Variants in CNKSR3 observed in about 807,000 individuals in gnomAD.
CNKSR3 encodes connector enhancer of kinase suppressor of ras 3.
In CNKSR3, 36 loss-of-function variants were observed where a neutral mutation model predicts 67.7. The observed-to-expected ratio is 0.53, with a 90% CI of 0.41 to 0.70. The LOEUF is 0.70. CNKSR3 is among the 30% of genes least tolerant of loss of function. The probability of loss-of-function intolerance (pLI) is 0.00; values close to 1 mark genes in which losing one functional copy is unlikely to be tolerated. For synonymous variants in CNKSR3, 281 were observed against 271.4 expected (o/e 1.04, Z -0.35); for missense variants, 630 against 695.2 (o/e 0.91, Z 1.05).
chr6:154,455,663 C>T (rs1444543346), intron 1 of CNKSR3, among the ~76,000 whole-genome samples: 2 of 152,112 alleles, frequency 1.3e-5, no homozygotes, highest in African/African-American at 2.4e-5. Flanking sequence ...CTCAAGCAAT[C>T]CACCTGCCTC....
At chr6:154,440,503 A>G (rs1350551187) in intron 4 of CNKSR3, among the ~76,000 whole-genome samples, 1 of 152,232 alleles carries the variant, frequency 6.6e-6, no homozygotes, top group Non-Finnish European at 1.5e-5. Context: ...TGGTCCAAGA[A>G]GAAATTTTTT....
At chr6:154,467,630 A>G (rs918344126) in intron 1 of CNKSR3, among the ~76,000 whole-genome samples, 2 of 152,252 alleles carry the variant, frequency 1.3e-5, no homozygotes, top group African/African-American at 4.8e-5. Flanking sequence ...CATTAGAATG[A>G]CAGTCTTCTA....
At position 154,411,133 on chromosome 6, in the gene CNKSR3, AT is replaced by A; in HGVS notation, c.1079del (p.Asn360MetfsTer60). On this transcript the variant is annotated frameshift_variant, in exon 11 of 13. Coordinates refer to ENST00000607772, the MANE Select transcript of CNKSR3 (RefSeq NM_173515.4). LOFTEE classifies it high-confidence loss of function. ...PAVPYSPRDE[N>X]GSFVYGGSSK... is the part of the protein sequence containing the mutation. ...TGGACCCTCCATAAACAAAACTGCCATTCTCATCCCTGGAAGATAATATGGA... is the reference window on the plus strand; with the variant it reads ...TGGACCCTCCATAAACAAAACTGCCATCTCATCCCTGGAAGATAATATGGA... 6.2e-7 allele frequency: 1 copy of A among 1,608,952 alleles called. No individual in the cohort carries two copies. The highest frequency in any genetic ancestry group is 8.5e-7 in the Non-Finnish European group (1 of 1,175,906).
At chr6:154,445,638 C>G (rs553832654) in intron 2 of CNKSR3, among the ~76,000 whole-genome samples, 1 of 152,152 alleles carries the variant, frequency 6.6e-6, no homozygotes, top group Non-Finnish European at 1.5e-5. Context: ...GGATTAAGAG[C>G]ATTTTATTGT....
chr6:154,490,389 ATATG>A (rs1311334598), intron 1 of CNKSR3, among the ~76,000 whole-genome samples: 3 of 152,226 alleles, frequency 2.0e-5, no homozygotes, highest in African/African-American at 2.4e-5. Flanking sequence ...ATGCATATTT[ATATG>A]TATGTATCTA....
At chr6:154,429,466 G>C (rs1459473870) in intron 6 of CNKSR3, among the ~76,000 whole-genome samples, 3 of 152,084 alleles carry the variant, frequency 2.0e-5, no homozygotes, top group Admixed American at 6.6e-5. Context: ...CTCCATTTCT[G>C]CCTACTCAGG....
intron 2 of CNKSR3, among the ~76,000 whole-genome samples, chr6:154,442,526 G>A (rs1054886077): frequency 6.6e-6 from 1 of 152,148 alleles, no homozygotes; most frequent in African/African-American, 2.4e-5. Flanking sequence ...GGAGGCTGAG[G>A]CAGGAGAATG....
intron 1 of CNKSR3, among the ~76,000 whole-genome samples, chr6:154,473,694 T>C (rs1300151695): frequency 2.6e-5 from 4 of 152,262 alleles, no homozygotes; most frequent in East Asian, 3.9e-4. Flanking sequence ...GTCTGACATA[T>C]AGGGTCTGGA....
At chr6:154,451,989 G>A (rs1006079321) in intron 1 of CNKSR3, among the ~76,000 whole-genome samples, 8 of 152,140 alleles carry the variant, frequency 5.3e-5, no homozygotes, top group East Asian at 1.9e-4. Flanking sequence ...CAGGCAAGTC[G>A]ACAGGTGTTG....
chr6:154,414,192 A>T, intron 10 of CNKSR3, 107 bp downstream of exon 10: 1 of 1,211,630 alleles, frequency 8.3e-7, no homozygotes, highest in Admixed American at 3.0e-5. Context: ...CAGCCCTGTC[A>T]CACTGTGGCT....
chr6:154,430,580 T>TAA lies in CNKSR3; in HGVS notation c.559_560dup (p.Leu187PhefsTer2), dbSNP rs1785345292. The TAA allele has an allele frequency of 2.5e-6, 4 of 1,610,372 alleles. No individual in the cohort carries two copies. The highest frequency in any genetic ancestry group is 1.3e-5 in the African/African-American group (1 of 74,722). ...GGATTGTTTTGTCACAGATGCCATT[T>TAA]AAAACCTTGACCTAGAATTGGAGAA... On this transcript the variant is annotated frameshift_variant, in exon 6 of 13. Transcript: ENST00000607772. LOFTEE classifies it high-confidence loss of function.
Position 154,393,561 on chromosome 6 carries a change from T to G in CNKSR3, c.*12793A>C, listed in dbSNP as rs1784629929. 1 of 152,252 alleles carries G rather than the reference T, an allele frequency of 6.6e-6. No homozygotes were observed. Among genetic ancestry groups the G allele is most frequent in the Admixed American group, 6.5e-5 (1 of 15,282 alleles). The allele number at this position is 152,252 out of a possible 1,614,324, so 9.4% of individuals were successfully genotyped here. A position where few individuals can be genotyped will look rare whatever the true frequency, so the allele number is the denominator to read the frequency against. ...AATAATTATATGTATATATTCTTAC[T>G]GCTAACCCTTAGGACTTTTTAATCT... On this transcript the variant is annotated 3_prime_UTR_variant, in exon 13 of 13. Coordinates refer to ENST00000607772, the MANE Select transcript of CNKSR3 (RefSeq NM_173515.4).
intron 1 of CNKSR3, among the ~76,000 whole-genome samples, chr6:154,488,132 A>G (rs1428004465): frequency 6.6e-6 from 1 of 152,184 alleles, no homozygotes; most frequent in East Asian, 1.9e-4. Context: ...CTTTTATAAG[A>G]AAAGTAAGGT....
At chr6:154,500,350 TAGA>T (rs1786972550) in intron 1 of CNKSR3, among the ~76,000 whole-genome samples, 2 of 151,310 alleles carry the variant, frequency 1.3e-5, no homozygotes, top group African/African-American at 2.4e-5. Context: ...AAATAGGAAA[TAGA>T]ATGCTTCCTT....
At chr6:154,458,216 A>G (rs574947231) in intron 1 of CNKSR3, among the ~76,000 whole-genome samples, 72 of 152,316 alleles carry the variant, frequency 4.7e-4, no homozygotes, top group African/African-American at 1.6e-3. Context: ...ATGAGTACAG[A>G]GTGATGATGA....
Position 154,394,579 on chromosome 6 carries a change from G to C in CNKSR3, c.*11775C>G, listed in dbSNP as rs1276245765. 6.7e-6 allele frequency: 1 copy of C among 149,404 alleles called. No homozygotes were observed. The highest frequency in any genetic ancestry group is 6.7e-5 in the Admixed American group (1 of 14,874). 9.3% of individuals were successfully genotyped at this position (149,404 alleles called of 1,614,324 possible). ...GTGTGTAAAGTCACTGAGATTTGGG[G>C]GTTGTTTGTTATAGCATGAGCCTAA... is the stretch of plus-strand genomic sequence containing the variant. On this transcript the variant is annotated 3_prime_UTR_variant, in exon 13 of 13. Transcript: ENST00000607772.
chr6:154,467,810 A>G (rs1031627903), intron 1 of CNKSR3, among the ~76,000 whole-genome samples: 3 of 151,716 alleles, frequency 2.0e-5, no homozygotes, highest in Admixed American at 1.3e-4. Flanking sequence ...CCCAGGCTGG[A>G]GTACAATGGT....
At chr6:154,484,872 T>C (rs1582896756) in intron 1 of CNKSR3, among the ~76,000 whole-genome samples, 1 of 152,298 alleles carries the variant, frequency 6.6e-6, no homozygotes, top group Non-Finnish European at 1.5e-5. Flanking sequence ...GGAACACTGA[T>C]GGCCCACGCT....
chr6:154,445,500 G>A (rs1785690350), intron 2 of CNKSR3, among the ~76,000 whole-genome samples: 1 of 152,182 alleles, frequency 6.6e-6, no homozygotes, highest in South Asian at 2.1e-4. Flanking sequence ...CGGTCACTCA[G>A]CCTGCCAACT....
Sources: gnomAD v4.1 joint callset for allele counts (sites outside exome capture counted in the v4.1 genomes callset) on GRCh38, gnomAD v4.1.1 for gene constraint, MANE v1.5 for transcripts, NCBI Gene and HGNC (gene_info 2026-07-23, HGNC 2026-07-21) for gene names.